Variants in CELF2 observed in about 807,000 individuals in gnomAD.
CELF2 encodes the protein CUG triplet repeat RNA-binding protein 2.
A neutral mutation model predicts 62.6 loss-of-function variants in CELF2; 8 were observed. The observed-to-expected ratio is 0.13, with a 90% CI of 0.07 to 0.23. The LOEUF (loss-of-function observed/expected upper bound fraction) is 0.23. Ranked by LOEUF, CELF2 falls within the 10% of genes least tolerant of loss-of-function variation. The probability of loss-of-function intolerance (pLI) is 1.00; values close to 1 mark genes in which losing one functional copy is unlikely to be tolerated. For missense variants in CELF2, 333 were observed against 671.0 expected (o/e 0.50, Z 5.56); for synonymous variants, 258 against 250.0 (o/e 1.03, Z -0.30).
At chr10:10,561,228 G>A in the CELF2 span, among the ~76,000 whole-genome samples, 39 of 151,972 alleles carry the variant, frequency 2.6e-4, no homozygotes, top group African/African-American at 5.3e-4. Flanking sequence ...TCTCTTCTCC[G>A]TCTACCAGAC....
At chr10:10,674,443 C>T in the CELF2 span, among the ~76,000 whole-genome samples, 25 of 152,150 alleles carry the variant, frequency 1.6e-4, no homozygotes, top group Non-Finnish European at 3.2e-4. Flanking sequence ...AGAAAACATG[C>T]AATTGAGTCT....
At chr10:11,266,819 TTCTCTCCTTC>T in intron 6 of CELF2, 142 bp downstream of exon 6, 1 of 532,898 alleles carries the variant, frequency 1.9e-6, no homozygotes, top group East Asian at 3.4e-5. Flanking sequence ...TTCATTCTCA[TTCTCTCCTTC>T]TCTCTCTCTC....
chr10:10,664,902 G>A, the CELF2 span, among the ~76,000 whole-genome samples: 5 of 152,134 alleles, frequency 3.3e-5, no homozygotes, highest in Non-Finnish European at 7.3e-5. Context: ...TTTACTGTTC[G>A]AACTAAAATT....
the CELF2 span, among the ~76,000 whole-genome samples, chr10:10,706,557 A>G: frequency 2.6e-5 from 4 of 152,214 alleles, no homozygotes; most frequent in Non-Finnish European, 1.5e-5. Context: ...GGAAGAAAAG[A>G]GGCAAAAAGA....
At chr10:10,752,688 C>CAAAAAAAAAAAAAAAAAAAAA in the CELF2 span, among the ~76,000 whole-genome samples, 1 of 58,968 alleles carries the variant, frequency 1.7e-5, no homozygotes, top group Non-Finnish European at 3.2e-5. Flanking sequence ...GACTCCGTCT[C>CAAAAAAAAAAAAAAAAAAAAA]AAAAAAAAAA....
chr10:11,190,459 C>T (rs2076024598), intron 2 of CELF2, among the ~76,000 whole-genome samples: 1 of 151,994 alleles, frequency 6.6e-6, no homozygotes, highest in Non-Finnish European at 1.5e-5. Context: ...CAAGAACTGC[C>T]CTTTTCTCTT....
At chr10:10,739,528 A>G in the CELF2 span, among the ~76,000 whole-genome samples, 1 of 152,216 alleles carries the variant, frequency 6.6e-6, no homozygotes, top group Non-Finnish European at 1.5e-5. Flanking sequence ...GCTTCCCATA[A>G]TGTTAGTATC....
At position 11,321,097 on chromosome 10, in the gene CELF2, T is replaced by A. The variant is rs1327453053; in HGVS notation, c.1097-92T>A. 2 of 1,389,232 alleles carry A rather than the reference T, an allele frequency of 1.4e-6. No homozygotes were observed. Among genetic ancestry groups the A allele is most frequent in the Non-Finnish European group, 2.0e-6 (2 of 981,740 alleles). 86.1% of individuals were successfully genotyped at this position (1,389,232 alleles called of 1,614,324 possible). On this transcript the variant is annotated intron_variant, in intron 10 of 12. Coordinates refer to ENST00000633077, the MANE Select transcript of CELF2 (RefSeq NM_001326342.2). This position sits in a 1 kb window ranked among gnomAD's most constrained non-coding sequence, Gnocchi z 6.2. ...TGTGCTAGCTGCATGTACTTGCTGT[T>A]GTACTGTGTTTAAATGATTCTCTAA...
chr10:11,197,213 G>A (rs1380763265), intron 2 of CELF2, among the ~76,000 whole-genome samples: 1 of 151,966 alleles, frequency 6.6e-6, no homozygotes, highest in Non-Finnish European at 1.5e-5. Flanking sequence ...GTTGAACGTG[G>A]TCAGTGACTT....
intron 2 of CELF2, among the ~76,000 whole-genome samples, chr10:10,992,145 C>T (rs2053507645): frequency 6.6e-6 from 1 of 152,200 alleles, no homozygotes; most frequent in Admixed American, 6.5e-5. Context: ...AATTATTCCA[C>T]AGTGCAGTGG....
chr10:10,679,807 C>A, the CELF2 span, among the ~76,000 whole-genome samples: 1 of 152,160 alleles, frequency 6.6e-6, no homozygotes, highest in Non-Finnish European at 1.5e-5. Context: ...TTGAAAAATA[C>A]ACGATAAATA....
At position 11,242,598 on chromosome 10, in the gene CELF2, C is replaced by T. The variant is rs1362421582; in HGVS notation, c.355-6555C>T. On this transcript the variant is annotated intron_variant, in intron 3 of 12. Transcript: ENST00000633077. The surrounding 1 kb of genome is among the most constrained non-coding windows in gnomAD (Gnocchi z 4.8). The stretch of plus-strand genomic sequence containing the variant: ...AGCTGTGTGCAGCGCTCTGTGCATG[C>T]ACTTACCCCTCAGACTTGAGAAATG... 1.3e-5 allele frequency among the ~76,000 whole-genome samples: 2 copies of T among 152,232 alleles called. No individual in the cohort carries two copies. The highest frequency in any genetic ancestry group is 2.9e-5 in the Non-Finnish European group (2 of 68,046).
the CELF2 span, among the ~76,000 whole-genome samples, chr10:10,600,111 A>C: frequency 4.6e-5 from 7 of 152,124 alleles, no homozygotes; most frequent in Non-Finnish European, 1.0e-4. Context: ...ATTACCAGCT[A>C]ATAGGGTGGG....
chr10:11,067,929 C>T (rs1011592908), intron 1 of CELF2, among the ~76,000 whole-genome samples: 1 of 152,210 alleles, frequency 6.6e-6, no homozygotes, highest in African/African-American at 2.4e-5. Flanking sequence ...ACCACCTGAT[C>T]CCAGTAGGTA....
In CELF2 at chr10:11,296,868, A is replaced by T. The variant is rs1372598212; in HGVS notation, c.976+8316A>T. Among the ~76,000 whole-genome samples, 1 of 152,232 alleles carries T rather than the reference A, an allele frequency of 6.6e-6. No homozygotes were observed. Among genetic ancestry groups the T allele is most frequent in the Non-Finnish European group, 1.5e-5 (1 of 68,032 alleles). On this transcript the variant is annotated intron_variant, in intron 9 of 12. Coordinates refer to ENST00000633077, the MANE Select transcript of CELF2 (RefSeq NM_001326342.2). This position sits in a 1 kb window ranked among gnomAD's most constrained non-coding sequence, Gnocchi z 5.0. The stretch of plus-strand genomic sequence containing the variant: ...TAGAAGCAGAATGGAAGATACATCA[A>T]ATGTGGGAAAATGCAGAAATAGCAT...
At chr10:11,304,693 T>A (rs1440195294) in intron 9 of CELF2, among the ~76,000 whole-genome samples, 2 of 152,230 alleles carry the variant, frequency 1.3e-5, no homozygotes, top group Admixed American at 1.3e-4. Flanking sequence ...AATCCATTAA[T>A]GAGGGCAGAG....
At chr10:10,873,627 T>C (rs995920896) in intron 1 of CELF2, among the ~76,000 whole-genome samples, 1 of 152,228 alleles carries the variant, frequency 6.6e-6, no homozygotes, top group Non-Finnish European at 1.5e-5. Flanking sequence ...GCATGAAGGG[T>C]GGAAGTTTAT....
chr10:10,759,868 T>C, the CELF2 span, among the ~76,000 whole-genome samples: 2 of 152,192 alleles, frequency 1.3e-5, no homozygotes, highest in Admixed American at 1.3e-4. Context: ...GATATTCCTA[T>C]ATAGAAATAG....
the CELF2 span, among the ~76,000 whole-genome samples, chr10:10,591,085 C>G: frequency 1.3e-5 from 2 of 152,006 alleles, no homozygotes; most frequent in African/African-American, 2.4e-5. Context: ...CATTGAGTGA[C>G]CATAAACTGA....
Sources: gnomAD v4.1 joint callset for allele counts (sites outside exome capture counted in the v4.1 genomes callset) on GRCh38, gnomAD v4.1.1 for gene constraint, Gnocchi (gnomAD v3.1) non-coding constraint, MANE v1.5 for transcripts, NCBI Gene and HGNC (gene_info 2026-07-23, HGNC 2026-07-21) for gene names.